GBE1: variants seen among roughly 807,000 people sequenced by gnomAD.
GBE1 encodes the protein 1,4-alpha-glucan branching enzyme 1, also known as 1,4-alpha-glucan-branching enzyme.
Under a neutral mutation model 88.8 loss-of-function variants are expected in GBE1, and 70 were observed. That is an observed-to-expected ratio of 0.79 (90% CI 0.65 to 0.96). The LOEUF is 0.96. Ranked by LOEUF, GBE1 falls within the 40% of genes least tolerant of loss-of-function variation. The pLI, the probability that GBE1 is intolerant of heterozygous loss-of-function variation, is 0.00. For missense variants in GBE1, 872 were observed against 871.0 expected (o/e 1.00, Z -0.01); for synonymous variants, 284 against 300.1 (o/e 0.95, Z 0.56).
rs923481169 is a variant in GBE1, at chr3:81,553,921, G to A, written c.1619-16826C>T. 4.0e-5 allele frequency among the ~76,000 whole-genome samples: 6 copies of A among 151,818 alleles called. No homozygotes were observed. In the East Asian group the frequency reaches 1.2e-3, roughly 29 times the overall value. ...ACTTTGACCTATATGCCATTTTTTG[G>A]CACATTTTTAAATTTAAAATAAATA... On this transcript the variant is annotated intron_variant, in intron 12 of 15. Coordinates refer to ENST00000429644, the MANE Select transcript of GBE1 (RefSeq NM_000158.4).
At chr3:81,704,272 G>A (rs963481970) in intron 2 of GBE1, among the ~76,000 whole-genome samples, 2 of 151,924 alleles carry the variant, frequency 1.3e-5, no homozygotes, top group East Asian at 3.9e-4. Context: ...CTGTTGGACA[G>A]TGCTGTCTTA....
At chr3:81,640,336 T>C (rs1303549742) in intron 7 of GBE1, among the ~76,000 whole-genome samples, 1 of 152,064 alleles carries the variant, frequency 6.6e-6, no homozygotes, top group Non-Finnish European at 1.5e-5. Context: ...CAGAGGAATG[T>C]GGAAAAACTA....
At chr3:81,685,963 C>G (rs1044879700) in intron 2 of GBE1, among the ~76,000 whole-genome samples, 2 of 152,188 alleles carry the variant, frequency 1.3e-5, no homozygotes, top group African/African-American at 4.8e-5. Context: ...TCACCACAGA[C>G]TTGAAAATTT....
At chr3:81,674,512 C>G (rs939993290) in intron 2 of GBE1, among the ~76,000 whole-genome samples, 1 of 151,736 alleles carries the variant, frequency 6.6e-6, no homozygotes, top group Non-Finnish European at 1.5e-5. Context: ...TAAAATTCAA[C>G]CTCAAATTAT....
At chr3:81,714,020 A>G (rs1705907286) in intron 1 of GBE1, among the ~76,000 whole-genome samples, 1 of 152,214 alleles carries the variant, frequency 6.6e-6, no homozygotes, top group Non-Finnish European at 1.5e-5. Flanking sequence ...GAAAGCAAGG[A>G]GTAGGACAGC....
intron 2 of GBE1, among the ~76,000 whole-genome samples, chr3:81,680,977 T>C: frequency 6.6e-6 from 1 of 152,248 alleles, no homozygotes; most frequent in East Asian, 1.9e-4. Context: ...CTGTGCTACT[T>C]TGTTGTAACA....
chr3:81,715,936 A>T (rs529374641), intron 1 of GBE1, among the ~76,000 whole-genome samples: 9 of 152,224 alleles, frequency 5.9e-5, no homozygotes, highest in African/African-American at 2.2e-4. Flanking sequence ...AGAAAACTTA[A>T]AACATGAAAA....
At position 81,761,367 on chromosome 3, in the gene GBE1, G is replaced by C. The variant is rs750447886; in HGVS notation, c.143+8C>G. 3.9e-5 allele frequency: 62 copies of C among 1,603,386 alleles called. No homozygotes were observed. The South Asian group carries it at 5.9e-4, about 15-fold the overall frequency. On this transcript the variant is annotated splice_region_variant and intron_variant, in intron 1 of 15. Coordinates refer to ENST00000429644, the MANE Select transcript of GBE1 (RefSeq NM_000158.4). ...GTCTAAGTGGGGGTGGTGGGATTCC[G>C]GCGGTACCTGCGCTGGAAGTCCACG... is the stretch of plus-strand genomic sequence containing the variant.
intron 12 of GBE1, among the ~76,000 whole-genome samples, chr3:81,571,187 C>G (rs576365465): frequency 6.6e-6 from 1 of 152,296 alleles, no homozygotes; most frequent in African/African-American, 2.4e-5. Flanking sequence ...ACACACAGCT[C>G]CTCATATACC....
chr3:81,643,830 T>C (rs1184575410), intron 6 of GBE1, among the ~76,000 whole-genome samples: 2 of 152,150 alleles, frequency 1.3e-5, no homozygotes. Context: ...CTTTTTAAAC[T>C]GGAAATAAGA....
At chr3:81,625,109 G>C (rs1484565042) in intron 7 of GBE1, among the ~76,000 whole-genome samples, 1 of 149,516 alleles carries the variant, frequency 6.7e-6, no homozygotes, top group African/African-American at 2.5e-5. Flanking sequence ...GAGGGGGAGG[G>C]GGAGGGAGAA....
chr3:81,548,741 G>C (rs1703238302), intron 12 of GBE1, among the ~76,000 whole-genome samples: 1 of 150,792 alleles, frequency 6.6e-6, no homozygotes, highest in Non-Finnish European at 1.5e-5. Context: ...CTTTGGAATA[G>C]AGAAAAAACA....
rs1023763804 is a variant in GBE1, at chr3:81,591,050, A to G, written c.1223T>C (p.Ile408Thr). The stretch of plus-strand genomic sequence containing the variant: ...CTATGGCTTTACCTCAGCTATTGTT[A>G]TAGAATCGGGACACAGCGTGTGAAC... ...HLVHTLCPDS[I>T]TIAEDVSGMP... Residue 408 changes from isoleucine (I) to threonine (T), a missense_variant, in exon 9 of 16, where the codon ATA becomes ACA. Ile to Thr is a moderately conservative substitution (Grantham distance 89). Coordinates refer to ENST00000429644, the MANE Select transcript of GBE1 (RefSeq NM_000158.4). The G allele has an allele frequency of 1.2e-6, 2 of 1,609,406 alleles. No individual in the cohort carries two copies. The highest frequency in any genetic ancestry group is 1.7e-6 in the Non-Finnish European group (2 of 1,177,422).
At chr3:81,755,422 A>G (rs944780611) in intron 1 of GBE1, among the ~76,000 whole-genome samples, 4 of 152,190 alleles carry the variant, frequency 2.6e-5, no homozygotes, top group Admixed American at 1.3e-4. Flanking sequence ...AAGTTCCTCA[A>G]ATAAGTTAAT....
At chr3:81,750,641 ATATG>A (rs1358071939) in intron 1 of GBE1, among the ~76,000 whole-genome samples, 3 of 53,098 alleles carry the variant, frequency 5.6e-5, no homozygotes, top group Admixed American at 2.7e-4. Flanking sequence ...GTATATATAT[ATATG>A]TATATATATA....
intron 2 of GBE1, among the ~76,000 whole-genome samples, chr3:81,687,891 T>G (rs1391832009): frequency 6.6e-6 from 1 of 152,194 alleles, no homozygotes; most frequent in African/African-American, 2.4e-5. Context: ...TTTAGCATCA[T>G]GGAGTTTAAA....
chr3:81,670,421 C>T (rs552080599), intron 3 of GBE1, among the ~76,000 whole-genome samples: 26 of 152,250 alleles, frequency 1.7e-4, no homozygotes, highest in African/African-American at 4.1e-4. Flanking sequence ...AAAATGCATG[C>T]GCGTCCAACA....
At chr3:81,697,778 A>G (rs1184459797) in intron 2 of GBE1, among the ~76,000 whole-genome samples, 1 of 152,038 alleles carries the variant, frequency 6.6e-6, no homozygotes, top group East Asian at 1.9e-4. Flanking sequence ...GTGGGGAAAG[A>G]TTAGAGTCCT....
chr3:81,747,236 G>C (rs533966266), intron 1 of GBE1, among the ~76,000 whole-genome samples: 62 of 152,202 alleles, frequency 4.1e-4, no homozygotes, highest in African/African-American at 1.5e-3. Flanking sequence ...TGAAAAAATT[G>C]AAATTTTTAA....
Sources: gnomAD v4.1 joint callset for allele counts (sites outside exome capture counted in the v4.1 genomes callset) on GRCh38, gnomAD v4.1.1 for gene constraint, MANE v1.5 for transcripts, NCBI Gene and HGNC (gene_info 2026-07-23, HGNC 2026-07-21) for gene names.